Variants in LRRIQ1 observed in about 807,000 individuals in gnomAD.
LRRIQ1 encodes leucine rich repeats and IQ motif containing 1, also known as leucine-rich repeat- and IQ domain-containing protein 1.
LRRIQ1 carries 210 observed loss-of-function variants against 211.9 expected under a neutral mutation model. The observed-to-expected ratio is 0.99, with a 90% CI of 0.89 to 1.11. The LOEUF (loss-of-function observed/expected upper bound fraction) is 1.11, where lower values mean the gene tolerates loss of function less well. Ranked by LOEUF, LRRIQ1 falls within the 50% of genes most tolerant of loss-of-function variation. LRRIQ1 has a pLI of 0.00. For synonymous variants in LRRIQ1, 699 were observed against 650.1 expected, an observed-to-expected ratio of 1.08 and a Z score of -1.14; for missense variants, 2,136 against 1,939.5, an observed-to-expected ratio of 1.10 and a Z score of -1.90.
At chr12:85,106,667 A>G (rs1205532745) in intron 15 of LRRIQ1, 52 bp downstream of exon 15, 1 of 1,252,654 alleles carries the variant, frequency 8.0e-7, no homozygotes, top group Non-Finnish European at 1.1e-6. Context: ...AGTTGCAGAA[A>G]AAAGTTTGAT....
At chr12:85,072,754 T>G (rs1187519135) in intron 10 of LRRIQ1, among the ~76,000 whole-genome samples, 153 bp from the exon 11 acceptor site, 1 of 152,036 alleles carries the variant, frequency 6.6e-6, no homozygotes, top group Non-Finnish European at 1.5e-5. Context: ...TTTTTAACCT[T>G]TTGAATCAAG....
chr12:85,114,222 T>C (rs1256517971), intron 15 of LRRIQ1, among the ~76,000 whole-genome samples: 4 of 152,038 alleles, frequency 2.6e-5, no homozygotes, highest in Admixed American at 6.6e-5. Context: ...ATAATGAAAA[T>C]ATCTGATGGG....
intron 13 of LRRIQ1, among the ~76,000 whole-genome samples, chr12:85,102,214 T>C (rs1364258542): frequency 6.6e-6 from 1 of 151,516 alleles, no homozygotes; most frequent in East Asian, 1.9e-4. Context: ...AACCCACTAA[T>C]TATGTAAAGG....
At chr12:85,043,999 G>T (rs1879224753) in intron 3 of LRRIQ1, among the ~76,000 whole-genome samples, 1 of 152,054 alleles carries the variant, frequency 6.6e-6, no homozygotes, top group Non-Finnish European at 1.5e-5. Context: ...TAGCTGCAAA[G>T]GTATCTGGAT....
chr12:85,253,403 T>C (rs745370734), intron 1 of LRRIQ1, among the ~76,000 whole-genome samples: 12 of 152,160 alleles, frequency 7.9e-5, no homozygotes, highest in Non-Finnish European at 1.5e-4. Flanking sequence ...TTCTCAAATC[T>C]AGAAGTCCCT....
rs551015543 is a variant in LRRIQ1, at chr12:85,199,103, C to T, written c.4823-30414C>T. On this transcript the variant is annotated intron_variant, in intron 24 of 26. Coordinates refer to ENST00000393217, the MANE Select transcript of LRRIQ1 (RefSeq NM_001079910.2). ...GATAGTTTATTTTGCTGTATAGAAA[C>T]TCTTTAGTTTAATTAGGCCCCATTT... Among the ~76,000 whole-genome samples the T allele has an allele frequency of 1.1e-4, 17 of 152,210 alleles. No homozygotes were observed. In the East Asian group the frequency reaches 2.9e-3, roughly 26 times the overall value.
At chr12:85,237,511 A>G (rs1421685970) in intron 26 of LRRIQ1, among the ~76,000 whole-genome samples, 3 of 152,112 alleles carry the variant, frequency 2.0e-5, no homozygotes, top group East Asian at 1.9e-4. Flanking sequence ...TATATACTGC[A>G]CTATGTGACT....
At chr12:85,212,787 TAGAG>T (rs372060277) in intron 24 of LRRIQ1, among the ~76,000 whole-genome samples, 5 of 148,264 alleles carry the variant, frequency 3.4e-5, no homozygotes, top group South Asian at 2.1e-4. Context: ...TATATATATA[TAGAG>T]AGAGAGAGAA....
At chr12:85,229,780 C>CAA in intron 25 of LRRIQ1, 131 bp downstream of exon 25, 1 of 795,558 alleles carries the variant, frequency 1.3e-6, no homozygotes, top group East Asian at 2.7e-5. Flanking sequence ...CCGGGTAATA[C>CAA]AAAGGCCTTT....
Position 85,065,399 on chromosome 12 carries a change from G to A in LRRIQ1, c.2529G>A (p.Lys843=), listed in dbSNP as rs1239969805. 2 of 1,608,292 alleles carry A rather than the reference G, an allele frequency of 1.2e-6. No homozygotes were observed. Among genetic ancestry groups the A allele is most frequent in the Admixed American group, 1.7e-5 (1 of 59,668 alleles). ...LHSLSNCKKL[K]YIDAQENHIE... ...GCCTGAGTAATTGTAAAAAACTTAA[G>A]TACATTGATGCACAGGTATGCTCTC... Residue 843 remains lysine, a synonymous_variant, in exon 9 of 27, where the codon AAG becomes AAA. Transcript: ENST00000393217.
At chr12:85,043,091 C>T (rs1381297035) in intron 3 of LRRIQ1, among the ~76,000 whole-genome samples, 3 of 151,896 alleles carry the variant, frequency 2.0e-5, no homozygotes, top group Admixed American at 6.6e-5. Flanking sequence ...CGGGCACTAG[C>T]TGCTTTATGG....
At chr12:85,248,779 G>A (rs1895809795), downstream of LRRIQ1, among the ~76,000 whole-genome samples, 1 of 151,666 alleles carries the variant, frequency 6.6e-6, no homozygotes, top group Non-Finnish European at 1.5e-5. Context: ...AATGACATTT[G>A]GGATTTAAGT....
chr12:85,104,603 A>G (rs1279077961), intron 14 of LRRIQ1, among the ~76,000 whole-genome samples: 1 of 151,886 alleles, frequency 6.6e-6, no homozygotes, highest in African/African-American at 2.4e-5. Flanking sequence ...AGCATCTGAC[A>G]TTCTACCACT....
chr12:85,168,900 G>C (rs1891278115), intron 24 of LRRIQ1, among the ~76,000 whole-genome samples: 1 of 152,130 alleles, frequency 6.6e-6, no homozygotes, highest in South Asian at 2.1e-4. Flanking sequence ...TATGAAGTTT[G>C]TGCCTTGGTC....
At chr12:85,269,372 G>A (rs535295211), downstream of LRRIQ1, among the ~76,000 whole-genome samples, 2 of 152,080 alleles carry the variant, frequency 1.3e-5, no homozygotes, top group East Asian at 3.9e-4. Context: ...GACATGGTTA[G>A]GGGAAATGGT....
intron 24 of LRRIQ1, among the ~76,000 whole-genome samples, chr12:85,191,578 A>G (rs866176677): frequency 1.3e-5 from 2 of 152,178 alleles, no homozygotes; most frequent in Middle Eastern, 3.4e-3. Context: ...ACTGAAGGAC[A>G]TCTTAGTTGT....
exon 2 of LRRIQ1, chr12:85,264,373 T>A (rs900643351): frequency 6.6e-6 from 1 of 152,054 alleles, no homozygotes; most frequent in East Asian, 1.9e-4. Context: ...TTCATAATAT[T>A]AACTTTGAGG....
At chr12:85,184,059 C>G (rs1457020775) in intron 24 of LRRIQ1, among the ~76,000 whole-genome samples, 1 of 151,988 alleles carries the variant, frequency 6.6e-6, no homozygotes, top group African/African-American at 2.4e-5. Context: ...ATAACTATTT[C>G]CTGTCCCTAA....
chr12:85,162,338 A>G (rs1467851737), intron 24 of LRRIQ1, among the ~76,000 whole-genome samples: 2 of 152,168 alleles, frequency 1.3e-5, no homozygotes, highest in East Asian at 1.9e-4. Flanking sequence ...TCATTGTTAT[A>G]GTCTTAACTC....
Sources: gnomAD v4.1 joint callset for allele counts (sites outside exome capture counted in the v4.1 genomes callset) on GRCh38, gnomAD v4.1.1 for gene constraint, MANE v1.5 for transcripts, NCBI Gene and HGNC (gene_info 2026-07-23, HGNC 2026-07-21) for gene names.